The following DNAJC2 variants were observed in gnomAD, a reference collection of about 807,000 sequenced individuals.
The protein encoded by DNAJC2 is DnaJ heat shock protein family (Hsp40) member C2, also known as dnaJ homolog subfamily C member 2.
A neutral mutation model predicts 94.0 loss-of-function variants in DNAJC2; 32 were observed. The observed-to-expected ratio is 0.34, with a 90% CI of 0.26 to 0.46. DNAJC2 has a LOEUF of 0.46. Among genes scored for constraint, DNAJC2 ranks in the 20% least tolerant of loss-of-function variants. The pLI is 1.00. For missense variants in DNAJC2, 550 were observed against 719.5 expected (o/e 0.76, Z 2.69); for synonymous variants, 210 against 229.7 (o/e 0.91, Z 0.77).
chr7:103,313,308 C>T, intron 15 of DNAJC2: 2 of 1,317,710 alleles, frequency 1.5e-6, no homozygotes, highest in South Asian at 2.3e-5. Context: ...AAAATAAAAT[C>T]TCAAAGGCTT....
chr7:103,331,533 G>A (rs1303339301), intron 3 of DNAJC2, among the ~76,000 whole-genome samples: 1 of 151,944 alleles, frequency 6.6e-6, no homozygotes, highest in Non-Finnish European at 1.5e-5. Flanking sequence ...CTCAGCCTCT[G>A]GTATCTATCA....
At chr7:103,334,073 C>T (rs532916144) in intron 3 of DNAJC2, among the ~76,000 whole-genome samples, 2 of 151,820 alleles carry the variant, frequency 1.3e-5, no homozygotes, top group Non-Finnish European at 2.9e-5. Context: ...GCCTCAGCCA[C>T]GCGAGTAGCT....
intron 5 of DNAJC2, among the ~76,000 whole-genome samples, chr7:103,324,960 T>C (rs1818623762): frequency 6.6e-6 from 1 of 152,292 alleles, no homozygotes; most frequent in South Asian, 2.1e-4. Context: ...AATGTTAATA[T>C]TCACAGAGGG....
intron 3 of DNAJC2, chr7:103,337,147 A>G (rs1452973237): frequency 1.3e-5 from 2 of 152,362 alleles, no homozygotes; most frequent in African/African-American, 4.8e-5. Flanking sequence ...GATCACGTGT[A>G]TAAGAAATTA....
At chr7:103,312,751 T>C in intron 16 of DNAJC2, 108 bp from the exon 17 acceptor site, 1 of 1,532,648 alleles carries the variant, frequency 6.5e-7, no homozygotes, top group Non-Finnish European at 8.7e-7. Flanking sequence ...TAGTACTAAA[T>C]ATACTGATTT....
rs191190811 is a variant in DNAJC2 at position 103,338,779 on chromosome 7, G to A, written c.256-968C>T. On this transcript the variant is annotated intron_variant, in intron 2 of 16. Coordinates refer to ENST00000379263, the MANE Select transcript of DNAJC2 (RefSeq NM_014377.3). ...ACAAAAATTAGCCGGGCGTGGTGGC[G>A]CCCACCTGTAATCCCAGCTACTCGG... 3.8e-3 allele frequency among the ~76,000 whole-genome samples: 570 copies of A among 151,774 alleles called. 4 individuals are homozygous for A. Among genetic ancestry groups the A allele is most frequent in the African/African-American group, 0.014 (561 of 41,430 alleles).
chr7:103,344,419 A>G, intron 1 of DNAJC2, 140 bp downstream of exon 1: 1 of 876,270 alleles, frequency 1.1e-6, no homozygotes. Flanking sequence ...CACGGAGCAA[A>G]AAGGCACTCG....
rs1296603598 is a variant in DNAJC2, at chr7:103,326,586, T to C, written c.529A>G (p.Asn177Asp). The change falls in exon 5 of 17, where the codon AAT (asparagine) becomes GAT (aspartate). Residue 177 changes from asparagine to aspartate, a missense_variant. By Grantham distance (23) the Asn-to-Asp change is conservative. Coordinates refer to ENST00000379263, the MANE Select transcript of DNAJC2 (RefSeq NM_014377.3). ...SVPSKSEAKD[N>D]FFEVFTPVFE... ...ACTGGGGTAAACACTTCGAAGAAAT[T>C]ATCCTTTGCTTCACTTTTAGAAGGA... is the stretch of plus-strand genomic sequence containing the variant. 6.2e-7 allele frequency: 1 copy of C among 1,613,824 alleles called. No homozygotes were observed. The highest frequency in any genetic ancestry group is 1.3e-5 in the African/African-American group (1 of 74,908).
At position 103,312,931 on chromosome 7, in the gene DNAJC2, C is replaced by G; in HGVS notation, c.1791+16G>C. 6.2e-7 allele frequency: 1 copy of G among 1,601,272 alleles called. No individual in the cohort carries two copies. Among genetic ancestry groups the G allele is most frequent in the Non-Finnish European group, 8.5e-7 (1 of 1,176,712 alleles). The stretch of plus-strand genomic sequence containing the variant: ...AATTTAAAATACAACAATCTATAAA[C>G]GCTTAAGTCTGCAACCTTGTATCGT... On this transcript the variant is annotated intron_variant, in intron 16 of 16. Transcript: ENST00000379263.
rs1586084456 is a variant in DNAJC2, at chr7:103,323,567, A to G, written c.719+31T>C. 4 of 1,430,580 alleles carry G rather than the reference A, an allele frequency of 2.8e-6. No individual in the cohort carries two copies. The South Asian group carries it at 5.5e-5, about 20-fold the overall frequency. 88.6% of individuals were successfully genotyped at this position (1,430,580 alleles called of 1,614,324 possible). ...ACAAATACCAGAGAACCAAATAAAT[A>G]CCTTCCATTATTAATGATTTGCATA... is the stretch of plus-strand genomic sequence containing the variant. On this transcript the variant is annotated intron_variant, in intron 7 of 16. Coordinates refer to ENST00000379263, the MANE Select transcript of DNAJC2 (RefSeq NM_014377.3).
chr7:103,320,654 G>A (rs1035971599), intron 10 of DNAJC2, among the ~76,000 whole-genome samples: 1 of 151,128 alleles, frequency 6.6e-6, no homozygotes, highest in African/African-American at 2.4e-5. Flanking sequence ...TGAGGCAGGA[G>A]CATGGCGTGA....
intron 14 of DNAJC2, 53 bp from the exon 15 acceptor site, chr7:103,315,924 T>C: frequency 6.5e-7 from 1 of 1,549,310 alleles, no homozygotes; most frequent in Admixed American, 1.8e-5. Flanking sequence ...AATCTTTCAT[T>C]AAATTGCATA....
In DNAJC2 at chr7:103,316,098, T is replaced by G. The variant is rs778916756; in HGVS notation, c.1428-10A>C. 6.6e-7 allele frequency: 1 copy of G among 1,505,428 alleles called. No individual in the cohort carries two copies. The highest frequency in any genetic ancestry group is 1.2e-5 in the South Asian group (1 of 81,454). The allele number at this position is 1,505,428 out of a possible 1,614,324, so 93.3% of individuals were successfully genotyped here. A position where few individuals can be genotyped will look rare whatever the true frequency, so the allele number is the denominator to read the frequency against. On this transcript the variant is annotated splice_polypyrimidine_tract_variant and intron_variant, in intron 13 of 16. Coordinates refer to ENST00000379263, the MANE Select transcript of DNAJC2 (RefSeq NM_014377.3). ...AGCAATAACTTCCCATCTGATAGGATATATTATACAATAATATGAATAGTA... is the reference window on the plus strand; with the variant it reads ...AGCAATAACTTCCCATCTGATAGGAGATATTATACAATAATATGAATAGTA...
rs542295559 is a variant in DNAJC2 at position 103,344,575 on chromosome 7, G to A, written c.48C>T (p.Thr16=). The change falls in exon 1 of 17, where the codon ACC becomes ACT. Residue 16 remains threonine (T), a synonymous_variant. Transcript: ENST00000379263. ...GGCACTTACCAGAGGTCAGAGCGTG[G>A]GTGATGGCGGTGCCCCGGCCGTCCG... ...SAADGRGTAI[T]HALTSASTLC... is the part of the protein sequence containing the mutation. 9.2e-5 allele frequency: 149 copies of A among 1,613,492 alleles called. 1 individual carries two copies. Among genetic ancestry groups the A allele is most frequent in the Middle Eastern group, 3.3e-4 (2 of 6,052 alleles).
In DNAJC2 at chr7:103,342,074, C is replaced by T. The variant is rs148854940; in HGVS notation, c.65-120G>A. 1,100 of 652,354 alleles carry T rather than the reference C, an allele frequency of 1.7e-3. 8 individuals are homozygous for T. The African/African-American group carries it at 0.018, about 11-fold the overall frequency. 40.4% of individuals were successfully genotyped at this position (652,354 alleles called of 1,614,324 possible). ...GTGATACCAGCATATACTTTTAAAA[C>T]CACCGACTACGAAAATAATTGCAGT... On this transcript the variant is annotated intron_variant, in intron 1 of 16. Transcript: ENST00000379263.
In DNAJC2 at chr7:103,312,811, C is replaced by A. The variant is rs148899348; in HGVS notation, c.1791+136G>T. 7.1e-4 allele frequency: 1,082 copies of A among 1,515,798 alleles called. 6 individuals are homozygous for A. The African/African-American group carries it at 0.014, about 20-fold the overall frequency. 93.9% of individuals were successfully genotyped at this position (1,515,798 alleles called of 1,614,324 possible). ...TTTCTAAGGTTGCTCATTTCTTCCT[C>A]ATAATATTGACCCCATAACTACTGG... On this transcript the variant is annotated intron_variant, in intron 16 of 16. Coordinates refer to ENST00000379263, the MANE Select transcript of DNAJC2 (RefSeq NM_014377.3).
chr7:103,344,400 A>T, intron 1 of DNAJC2, 159 bp downstream of exon 1: 1 of 718,436 alleles, frequency 1.4e-6, no homozygotes, highest in Non-Finnish European at 2.3e-6. Flanking sequence ...GGGTAGGATT[A>T]CTTTAAAACA....
intron 3 of DNAJC2, among the ~76,000 whole-genome samples, chr7:103,334,875 C>A (rs1410957625): frequency 6.6e-6 from 1 of 152,120 alleles, no homozygotes; most frequent in African/African-American, 2.4e-5. Flanking sequence ...CCTCTGTCAC[C>A]CAGGCTGGAG....
At chr7:103,316,311 T>G (rs1246940146) in intron 13 of DNAJC2, 1 of 364,980 alleles carries the variant, frequency 2.7e-6, no homozygotes, top group African/African-American at 2.1e-5. Flanking sequence ...AGTCCATACA[T>G]CTTACAGATT....
Sources: gnomAD v4.1 joint callset for allele counts (sites outside exome capture counted in the v4.1 genomes callset) on GRCh38, gnomAD v4.1.1 for gene constraint, MANE v1.5 for transcripts, NCBI Gene and HGNC (gene_info 2026-07-23, HGNC 2026-07-21) for gene names.